MAP2K3: variants seen among roughly 807,000 people sequenced by gnomAD.
The protein encoded by MAP2K3 is dual specificity mitogen-activated protein kinase kinase 3.
A neutral mutation model predicts 46.4 loss-of-function variants in MAP2K3; 30 were observed. That is an observed-to-expected ratio of 0.65 (90% CI 0.48 to 0.88). The LOEUF (loss-of-function observed/expected upper bound fraction) is 0.88, where lower values mean the gene tolerates loss of function less well. Among genes scored for constraint, MAP2K3 ranks in the 40% least tolerant of loss-of-function variants. The probability of loss-of-function intolerance (pLI) is 0.00; values close to 1 mark genes in which losing one functional copy is unlikely to be tolerated. For missense variants in MAP2K3, 380 were observed against 464.5 expected, an observed-to-expected ratio of 0.82 and a Z score of 1.67; for synonymous variants, 189 against 176.3, an observed-to-expected ratio of 1.07 and a Z score of -0.57.
intron 1 of MAP2K3, chr17:21,288,120 C>T (rs974253382): frequency 8.5e-6 from 11 of 1,286,820 alleles, no homozygotes; most frequent in Non-Finnish European, 1.1e-5. Context: ...GGTGCTGACT[C>T]ACCCGCTGGG....
chr17:21,295,717 C>T lies in MAP2K3; in HGVS notation c.50-2696C>T, dbSNP rs372785008. ...CCAGTCCATATACCACCCAGGCCTG[C>T]GAGGAGCGTGGTCCCCACCCATCCA... On this transcript the variant is annotated intron_variant, in intron 1 of 11. Coordinates refer to ENST00000342679, the MANE Select transcript of MAP2K3 (RefSeq NM_145109.3). 1.0e-3 allele frequency: 1,297 copies of T among 1,288,986 alleles called. No homozygotes were observed. The African/African-American group carries it at 0.015, about 15-fold the overall frequency. The allele number at this position is 1,288,986 out of a possible 1,614,324, so 79.8% of individuals were successfully genotyped here.
At chr17:21,291,839 C>A in intron 1 of MAP2K3, 1 of 346,468 alleles carries the variant, frequency 2.9e-6, no homozygotes, top group Non-Finnish European at 5.7e-6. Context: ...AAGGACTGTC[C>A]TGGGAGCATG....
intron 1 of MAP2K3, among the ~76,000 whole-genome samples, chr17:21,295,336 G>A (rs1256607974): frequency 6.6e-6 from 1 of 152,308 alleles, no homozygotes; most frequent in African/African-American, 2.4e-5. Flanking sequence ...ATTCTGGTCA[G>A]TTTCAGTTTC....
At position 21,303,245 on chromosome 17, in the gene MAP2K3, G is replaced by A. The variant is rs781566617; in HGVS notation, c.568+11G>A. 9 of 1,613,718 alleles carry A rather than the reference G, an allele frequency of 5.6e-6. No individual in the cohort carries two copies. Among genetic ancestry groups the A allele is most frequent in the Middle Eastern group, 1.6e-4 (1 of 6,084 alleles). Reference sequence around the variant, plus strand: ...CGGTGATCCACAGAGGTCAGTGCCCGGCAGCCACCCAGGCACGGTGTAGCC... The same window carrying A: ...CGGTGATCCACAGAGGTCAGTGCCCAGCAGCCACCCAGGCACGGTGTAGCC... On this transcript the variant is annotated intron_variant, in intron 7 of 11. Coordinates refer to ENST00000342679, the MANE Select transcript of MAP2K3 (RefSeq NM_145109.3).
At chr17:21,306,135 G>A (rs942227652) in intron 9 of MAP2K3, among the ~76,000 whole-genome samples, 1 of 152,212 alleles carries the variant, frequency 6.6e-6, no homozygotes, top group Non-Finnish European at 1.5e-5. Context: ...CCTGGAGTTC[G>A]CACAGACCCC....
intron 1 of MAP2K3, among the ~76,000 whole-genome samples, chr17:21,286,309 C>T (rs982100924): frequency 1.3e-5 from 2 of 152,226 alleles, no homozygotes; most frequent in African/African-American, 4.8e-5. Context: ...GAGGAAGCAC[C>T]TAGCAGCGGG....
At chr17:21,301,784 G>T (rs1055259788) in intron 5 of MAP2K3, among the ~76,000 whole-genome samples, 1 of 152,308 alleles carries the variant, frequency 6.6e-6, no homozygotes, top group Non-Finnish European at 1.5e-5. Context: ...CAGCTGGCAT[G>T]AGGGTGTCTG....
At chr17:21,294,771 C>T (rs575439523) in intron 1 of MAP2K3, among the ~76,000 whole-genome samples, 372 of 152,240 alleles carry the variant, frequency 2.4e-3, no homozygotes, top group African/African-American at 7.1e-3. Flanking sequence ...AATCTCCACG[C>T]GCCAGGCACT....
At chr17:21,311,177 T>C (rs1977140482) in intron 9 of MAP2K3, among the ~76,000 whole-genome samples, 1 of 152,182 alleles carries the variant, frequency 6.6e-6, no homozygotes, top group Non-Finnish European at 1.5e-5. Flanking sequence ...CGGGCTCCAG[T>C]TGCCAGTGCC....
chr17:21,312,246 T>C lies in MAP2K3; in HGVS notation c.879T>C (p.Arg293=), dbSNP rs561081251. 6.2e-7 allele frequency: 1 copy of C among 1,601,886 alleles called. No individual in the cohort carries two copies. Among genetic ancestry groups the C allele is most frequent in the East Asian group, 2.3e-5 (1 of 43,110 alleles). The part of the protein sequence containing the change: ...EEPSPQLPAD[R]FSPEFVDFTA... Reference sequence around the variant, plus strand: ...CGTCCCCCCAGCTCCCAGCCGACCGTTTCTCCCCCGAGTTTGTGGACTTCA... The same window carrying C: ...CGTCCCCCCAGCTCCCAGCCGACCGCTTCTCCCCCGAGTTTGTGGACTTCA... Residue 293 remains arginine, a synonymous_variant, in exon 10 of 12, where the codon CGT becomes CGC. Coordinates refer to ENST00000342679, the MANE Select transcript of MAP2K3 (RefSeq NM_145109.3).
intron 1 of MAP2K3, among the ~76,000 whole-genome samples, chr17:21,288,899 C>T (rs1460526952): frequency 6.6e-6 from 1 of 152,246 alleles, no homozygotes; most frequent in Non-Finnish European, 1.5e-5. Flanking sequence ...CTTACCTGGG[C>T]AAGTCTTGTG....
Position 21,298,878 on chromosome 17 carries a change from A to AC in MAP2K3, c.124dup (p.Arg42ProfsTer17), listed in dbSNP as rs1567665648. 2 of 1,614,122 alleles carry AC rather than the reference A, an allele frequency of 1.2e-6. No individual in the cohort carries two copies. Among genetic ancestry groups the AC allele is most frequent in the Non-Finnish European group, 1.7e-6 (2 of 1,180,038 alleles). ...CTCACGGAGTCTTCTTTCTCCACAG[A>AC]CCCCCCCGGAACCTGGACTCCCGGA... On this transcript the variant is annotated frameshift_variant and splice_region_variant, in exon 3 of 12. Coordinates refer to ENST00000342679, the MANE Select transcript of MAP2K3 (RefSeq NM_145109.3). LOFTEE classifies it high-confidence loss of function.
chr17:21,288,169 C>G, intron 1 of MAP2K3: 1 of 1,133,012 alleles, frequency 8.8e-7, no homozygotes, highest in Non-Finnish European at 1.2e-6. Flanking sequence ...GGGGCGATGC[C>G]TGCCAGCCTG....
At position 21,300,659 on chromosome 17, in the gene MAP2K3, G is replaced by A; in HGVS notation, c.279+1G>A. The A allele has an allele frequency of 6.2e-7, 1 of 1,608,108 alleles. No homozygotes were observed. ...GAGCGGCACCATCATGGCCGTGAAG[G>A]TGAGCAGGGCCTGGAGGCAGCTGGG... On this transcript the variant is annotated splice_donor_variant, in intron 4 of 11. Transcript: ENST00000342679. LOFTEE classifies it high-confidence loss of function.
intron 9 of MAP2K3, among the ~76,000 whole-genome samples, chr17:21,308,126 G>A (rs1317180433): frequency 1.3e-5 from 2 of 149,070 alleles, no homozygotes; most frequent in East Asian, 4.0e-4. Flanking sequence ...AAAGTGCTAG[G>A]ATTACAGGGG....
At chr17:21,313,639 C>T (rs1673839) in intron 11 of MAP2K3, 102 bp downstream of exon 11, 2 of 972,160 alleles carry the variant, frequency 2.1e-6, no homozygotes, top group Non-Finnish European at 3.2e-6. Flanking sequence ...TGGGTAGCTC[C>T]TCTGGCTGGC....
chr17:21,302,082 T>C (rs1944553981), intron 5 of MAP2K3, 61 bp from the exon 6 acceptor site: 2 of 1,527,056 alleles, frequency 1.3e-6, no homozygotes, highest in Non-Finnish European at 1.8e-6. Context: ...GGGCAGGCAG[T>C]GCAGGTGGTG....
At chr17:21,313,241 A>G (rs1307878040) in intron 10 of MAP2K3, among the ~76,000 whole-genome samples, 4 of 152,134 alleles carry the variant, frequency 2.6e-5, no homozygotes, top group African/African-American at 9.7e-5. Flanking sequence ...TGATATGGAA[A>G]TTCCTAGGTC....
At chr17:21,296,728 T>C (rs1329460288) in intron 1 of MAP2K3, among the ~76,000 whole-genome samples, 3 of 152,312 alleles carry the variant, frequency 2.0e-5, no homozygotes, top group Non-Finnish European at 4.4e-5. Flanking sequence ...GCCCTGCCTG[T>C]GGCCGGTGCT....
Sources: gnomAD v4.1 joint callset for allele counts (sites outside exome capture counted in the v4.1 genomes callset) on GRCh38, gnomAD v4.1.1 for gene constraint, MANE v1.5 for transcripts, NCBI Gene and HGNC (gene_info 2026-07-23, HGNC 2026-07-21) for gene names.